The following DSCAM variants were observed in gnomAD, a reference collection of about 807,000 sequenced individuals.
DSCAM encodes the protein DS cell adhesion molecule, also known as cell adhesion molecule DSCAM.
DSCAM carries 47 observed loss-of-function variants against 217.7 expected under a neutral mutation model. That is an observed-to-expected ratio of 0.22 (90% CI 0.17 to 0.28). The LOEUF is 0.28. Ranked by LOEUF, DSCAM falls within the 10% of genes least tolerant of loss-of-function variation. The pLI is 1.00. For missense variants in DSCAM, 2,080 were observed against 2,618.3 expected (o/e 0.79, Z 4.49); for synonymous variants, 1,056 against 1,015.3 (o/e 1.04, Z -0.76).
At chr21:40,084,540 ACACACACACACACACAG>A in intron 23 of DSCAM, among the ~76,000 whole-genome samples, 1 of 123,474 alleles carries the variant, frequency 8.1e-6, no homozygotes, top group African/African-American at 3.1e-5. Context: ...ACACACACAC[ACACACACACACACACAG>A]AAAATCAAAA....
At chr21:40,664,908 G>A (rs2090183374) in intron 3 of DSCAM, among the ~76,000 whole-genome samples, 1 of 152,164 alleles carries the variant, frequency 6.6e-6, no homozygotes, top group South Asian at 2.1e-4. Flanking sequence ...CATCCCCTTG[G>A]TGATAAGTGA....
intron 3 of DSCAM, among the ~76,000 whole-genome samples, chr21:40,547,714 GGGA>G (rs2076594899): frequency 6.6e-6 from 1 of 152,156 alleles, no homozygotes; most frequent in South Asian, 2.1e-4. Flanking sequence ...CTTCAGCACA[GGGA>G]GGAGAGGAAA....
At chr21:40,442,076 G>A (rs1247706924) in intron 3 of DSCAM, among the ~76,000 whole-genome samples, 1 of 152,092 alleles carries the variant, frequency 6.6e-6, no homozygotes, top group East Asian at 1.9e-4. Flanking sequence ...TTCATCCAAG[G>A]GGGTATATTG....
intron 3 of DSCAM, among the ~76,000 whole-genome samples, chr21:40,663,433 C>CT (rs1457912038): frequency 9.9e-5 from 15 of 152,120 alleles, no homozygotes; most frequent in Admixed American, 3.9e-4. Flanking sequence ...TGCCGGCACT[C>CT]TCCTCCCACC....
At chr21:40,093,987 A>C in intron 20 of DSCAM, 113 bp from the exon 21 acceptor site, 5 of 1,105,652 alleles carry the variant, frequency 4.5e-6, no homozygotes, top group Non-Finnish European at 6.4e-6. Flanking sequence ...AACTCAACTC[A>C]CTCTCCTCTA....
chr21:40,157,060 C>A (rs889800013), intron 16 of DSCAM, among the ~76,000 whole-genome samples: 2 of 151,984 alleles, frequency 1.3e-5, no homozygotes, highest in Admixed American at 6.6e-5. Flanking sequence ...TAGCTAACAA[C>A]GGTTTCTTGT....
intron 15 of DSCAM, among the ~76,000 whole-genome samples, chr21:40,175,780 T>TACACACAC (rs35339524): frequency 1.9e-4 from 27 of 144,944 alleles, no homozygotes; most frequent in South Asian, 4.5e-4. Context: ...AACACACACA[T>TACACACAC]ACACACACAC....
chr21:40,750,688 T>C (rs2091219086), intron 1 of DSCAM, among the ~76,000 whole-genome samples: 1 of 151,758 alleles, frequency 6.6e-6, no homozygotes, highest in Non-Finnish European at 1.5e-5. Context: ...AACCGAACAT[T>C]CTTTTTACTG....
chr21:40,127,728 C>G (rs1049386861), intron 19 of DSCAM, among the ~76,000 whole-genome samples: 2 of 152,172 alleles, frequency 1.3e-5, no homozygotes, highest in Non-Finnish European at 2.9e-5. Flanking sequence ...ATGGCCCCAT[C>G]ATCTTCTCAG....
chr21:40,606,611 A>G (rs1489397391), intron 3 of DSCAM, among the ~76,000 whole-genome samples: 3 of 152,206 alleles, frequency 2.0e-5, no homozygotes, highest in Non-Finnish European at 4.4e-5. Context: ...GAAGGTGCCC[A>G]AGGTCACACA....
intron 3 of DSCAM, among the ~76,000 whole-genome samples, chr21:40,612,938 A>G (rs751695583): frequency 1.3e-5 from 2 of 152,164 alleles, no homozygotes; most frequent in African/African-American, 2.4e-5. Flanking sequence ...TTCAAGAATT[A>G]AGACAGGAAT....
intron 3 of DSCAM, among the ~76,000 whole-genome samples, chr21:40,589,936 C>T (rs1386314202): frequency 1.3e-5 from 2 of 152,150 alleles, no homozygotes; most frequent in African/African-American, 4.8e-5. Flanking sequence ...TCCAAGTTAA[C>T]ACTCTCCTCT....
chr21:40,044,190 G>A lies in DSCAM; in HGVS notation c.5271C>T (p.Pro1757=), dbSNP rs2088805589. Residue 1757 remains proline (P), a synonymous_variant, in exon 31 of 33, where the codon CCC becomes CCT. Transcript: ENST00000400454. ...ASQWTLNRPH[P]TISAHTLTTD... ...TGGTGAGGGTGTGTGCTGAGATGGT[G>A]GGGTGGGGTCGGTTGAGGGTCCACT... 1 of 1,614,192 alleles carries A rather than the reference G, an allele frequency of 6.2e-7. No individual in the cohort carries two copies. Among genetic ancestry groups the A allele is most frequent in the Non-Finnish European group, 8.5e-7 (1 of 1,180,028 alleles).
At chr21:40,648,221 A>G (rs750082384) in intron 3 of DSCAM, among the ~76,000 whole-genome samples, 3 of 150,816 alleles carry the variant, frequency 2.0e-5, no homozygotes, top group Non-Finnish European at 2.9e-5. Flanking sequence ...GTAATTAAAA[A>G]CTTTCCTCTA....
chr21:40,129,837 A>T (rs1388785830), intron 19 of DSCAM, among the ~76,000 whole-genome samples: 1 of 152,138 alleles, frequency 6.6e-6, no homozygotes, highest in African/African-American at 2.4e-5. Flanking sequence ...CGTCACAGGC[A>T]CACACTATCC....
intron 3 of DSCAM, among the ~76,000 whole-genome samples, chr21:40,497,398 C>T (rs1172179090): frequency 7.1e-6 from 1 of 141,824 alleles, no homozygotes; most frequent in Admixed American, 7.1e-5. Flanking sequence ...TGCTTGATCT[C>T]ATATGTGAAA....
intron 1 of DSCAM, among the ~76,000 whole-genome samples, chr21:40,765,290 T>C (rs568535081): frequency 1.2e-4 from 19 of 152,266 alleles, no homozygotes; most frequent in African/African-American, 4.6e-4. Context: ...CAGAGCAACT[T>C]GGAGGCAAAT....
In DSCAM at chr21:40,075,058, G is replaced by C. The variant is rs780754561; in HGVS notation, c.4867C>G (p.Gln1623Glu). The part of the protein sequence containing the change: ...LLVVRRRRRE[Q>E]RLKRLRDAKS... The stretch of plus-strand genomic sequence containing the variant: ...CTACCTCGCAGCCTCTTTAGCCTCT[G>C]CTCCCGCCGCCTCCTCCGCACAACC... Residue 1623 changes from glutamine to glutamate, a missense_variant, in exon 27 of 33, where the codon CAG becomes GAG. By Grantham distance (29) the Gln-to-Glu change is conservative. Transcript: ENST00000400454. 3 of 1,614,172 alleles carry C rather than the reference G, an allele frequency of 1.9e-6. No individual in the cohort carries two copies. In the Admixed American group the frequency reaches 5.0e-5, roughly 27 times the overall value.
At chr21:40,564,266 C>T (rs2076748417) in intron 3 of DSCAM, among the ~76,000 whole-genome samples, 1 of 152,100 alleles carries the variant, frequency 6.6e-6, no homozygotes, top group South Asian at 2.1e-4. Context: ...CAGACCACTG[C>T]AGGGGAAAAA....
Sources: allele counts gnomAD v4.1 joint callset (sites outside exome capture counted in the v4.1 genomes callset), GRCh38; gene constraint gnomAD v4.1.1; transcripts MANE v1.5; gene names NCBI Gene and HGNC (gene_info 2026-07-23, HGNC 2026-07-21).